EXD2: variants seen among roughly 807,000 people sequenced by gnomAD.
EXD2 encodes the protein exonuclease 3'-5' domain-containing protein 2.
A neutral mutation model predicts 62.5 loss-of-function variants in EXD2; 40 were observed. That is an observed-to-expected ratio of 0.64 (90% CI 0.50 to 0.83). The LOEUF is 0.83. Among genes scored for constraint, EXD2 ranks in the 40% least tolerant of loss-of-function variants. EXD2 has a pLI of 0.00. For synonymous variants in EXD2, 239 were observed against 291.9 expected (o/e 0.82, Z 1.85); for missense variants, 671 against 761.8 (o/e 0.88, Z 1.40).
chr14:69,235,086 G>T, intron 6 of EXD2, 55 bp downstream of exon 6: 2 of 1,463,484 alleles, frequency 1.4e-6, no homozygotes, highest in East Asian at 2.4e-5. Flanking sequence ...CTTAGCAAAG[G>T]GTTTGATGCT....
intron 3 of EXD2, among the ~76,000 whole-genome samples, chr14:69,211,768 C>G (rs1390342323): frequency 6.6e-6 from 1 of 152,104 alleles, no homozygotes; most frequent in Non-Finnish European, 1.5e-5. Flanking sequence ...TCACCTGTGC[C>G]AAGCACCTGG....
chr14:69,213,090 T>TC (rs1176674640), intron 3 of EXD2, among the ~76,000 whole-genome samples: 1 of 150,252 alleles, frequency 6.7e-6, no homozygotes, highest in Non-Finnish European at 1.5e-5. Flanking sequence ...TTTTCTTTTT[T>TC]TTTTTTTTTT....
intron 3 of EXD2, among the ~76,000 whole-genome samples, chr14:69,217,496 C>G (rs1345231837): frequency 6.6e-6 from 1 of 151,996 alleles, no homozygotes; most frequent in African/African-American, 2.4e-5. Context: ...TTTTTATGGA[C>G]AAATAATATT....
At chr14:69,201,506 A>C (rs1266013892) in intron 1 of EXD2, among the ~76,000 whole-genome samples, 2 of 151,868 alleles carry the variant, frequency 1.3e-5, no homozygotes, top group East Asian at 3.9e-4. Flanking sequence ...ACAGTTGTTT[A>C]AATGTTTCAC....
intron 4 of EXD2, 150 bp downstream of exon 4, chr14:69,229,222 A>G: frequency 9.0e-7 from 1 of 1,109,710 alleles, no homozygotes. Context: ...GTAAGGAGAC[A>G]TTCCACCTTC....
At chr14:69,219,193 G>C (rs965227759) in intron 3 of EXD2, among the ~76,000 whole-genome samples, 1 of 152,146 alleles carries the variant, frequency 6.6e-6, no homozygotes, top group African/African-American at 2.4e-5. Context: ...TTGAGCAGTG[G>C]TTTGTAGTTC....
intron 1 of EXD2, among the ~76,000 whole-genome samples, chr14:69,203,015 A>G (rs1467879469): frequency 6.6e-6 from 1 of 152,192 alleles, no homozygotes; most frequent in Non-Finnish European, 1.5e-5. Context: ...CTGGGAAGTA[A>G]TAGTATCACT....
chr14:69,223,171 A>G (rs573524992), intron 3 of EXD2, among the ~76,000 whole-genome samples: 1 of 152,310 alleles, frequency 6.6e-6, no homozygotes, highest in South Asian at 2.1e-4. Context: ...TCTAATTTCC[A>G]TTCTTTTCCT....
Position 69,228,838 on chromosome 14 carries a change from G to C in EXD2, c.356G>C (p.Ser119Thr). 6.2e-7 allele frequency: 1 copy of C among 1,613,792 alleles called. No individual in the cohort carries two copies. The highest frequency in any genetic ancestry group is 1.1e-5 in the South Asian group (1 of 90,992). ...CEWVNLEGKA[S>T]PLSLLQMASP... ...CAGGTAAATTTGGAAGGCAAAGCCA[G>C]CCCTCTGTCACTTCTACAAATGGCC... is the stretch of plus-strand genomic sequence containing the variant. The change falls in exon 4 of 10, where the codon AGC becomes ACC. Residue 119 changes from serine to threonine, a missense_variant. Physicochemically the swap from Ser to Thr is moderately conservative, Grantham distance 58. Transcript: ENST00000685843.
chr14:69,213,723 G>GCACA (rs2042898381), intron 3 of EXD2, among the ~76,000 whole-genome samples: 2 of 148,510 alleles, frequency 1.3e-5, no homozygotes, highest in Non-Finnish European at 3.0e-5. Flanking sequence ...GAGTACATTA[G>GCACA]TGCAATCTTG....
intron 4 of EXD2, among the ~76,000 whole-genome samples, chr14:69,229,878 A>AT (rs1329847721): frequency 6.6e-6 from 1 of 152,146 alleles, no homozygotes; most frequent in Admixed American, 6.6e-5. Flanking sequence ...ACTTATCACA[A>AT]TTTTTTAGTA....
At position 69,191,560 on chromosome 14, in the gene EXD2, C is replaced by CT. The variant is rs1223927232; in HGVS notation, c.-162dup. The CT allele has an allele frequency of 6.6e-6, 1 of 152,390 alleles. No homozygotes were observed. The highest frequency in any genetic ancestry group is 6.5e-5 in the Admixed American group (1 of 15,292). 9.4% of individuals were successfully genotyped at this position (152,390 alleles called of 1,614,324 possible). Reference sequence around the variant, plus strand: ...GTTCCAGGTCTTTAACGTGAGCCCGCTGCAGGTGTGCGGCCCAGTCCGAGA... The same window carrying CT: ...GTTCCAGGTCTTTAACGTGAGCCCGCTTGCAGGTGTGCGGCCCAGTCCGAGA... On this transcript the variant is annotated 5_prime_UTR_variant, in exon 1 of 10. Transcript: ENST00000685843.
chr14:69,230,443 T>G (rs775616630), intron 4 of EXD2, 29 bp from the exon 5 acceptor site: 1 of 1,547,524 alleles, frequency 6.5e-7, no homozygotes, highest in South Asian at 1.2e-5. Flanking sequence ...TGCCCGTTTT[T>G]GATGCATGGT....
intron 8 of EXD2, among the ~76,000 whole-genome samples, 172 bp downstream of exon 8, chr14:69,236,714 T>C (rs903376613): frequency 1.3e-5 from 2 of 152,186 alleles, no homozygotes; most frequent in Admixed American, 6.5e-5. Context: ...CTTGCTATAG[T>C]GGCCCTTACC....
chr14:69,229,361 T>C (rs955139587), intron 4 of EXD2, among the ~76,000 whole-genome samples: 1 of 152,198 alleles, frequency 6.6e-6, no homozygotes, highest in Non-Finnish European at 1.5e-5. Flanking sequence ...TTTGGTTTTC[T>C]TTTTTCCCAT....
chr14:69,220,253 G>GTTTTTTTTTTTTTTTT (rs869194045), intron 3 of EXD2, among the ~76,000 whole-genome samples: 7 of 35,114 alleles, frequency 2.0e-4, no homozygotes, highest in African/African-American at 3.7e-4. Flanking sequence ...TTGTCTCTCT[G>GTTTTTTTTTTTTTTTT]TTTTTTTTTT....
At chr14:69,202,298 AC>A (rs940433953) in intron 1 of EXD2, among the ~76,000 whole-genome samples, 2 of 151,800 alleles carry the variant, frequency 1.3e-5, no homozygotes, top group African/African-American at 4.8e-5. Context: ...GATCACTTGA[AC>A]CCAAGAGGTC....
chr14:69,229,026 G>T lies in EXD2; in HGVS notation c.544G>T (p.Val182Phe), dbSNP rs142856571. The change falls in exon 4 of 10, where the codon GTT becomes TTT. Residue 182 changes from valine (V) to phenylalanine (F), a missense_variant. Physicochemically the swap from Val to Phe is conservative, Grantham distance 50 (BLOSUM62 -1). Transcript: ENST00000685843. Reference sequence around the variant, plus strand: ...CAAGCTTCTGCAGGATTATGGCCTCGTTGTTAGGGGGTGCCTGGACCTCCG... The same window carrying T: ...CAAGCTTCTGCAGGATTATGGCCTCTTTGTTAGGGGGTGCCTGGACCTCCG... ...ASKLLQDYGL[V>F]VRGCLDLRYL... 2.5e-5 allele frequency: 41 copies of T among 1,614,196 alleles called. 1 individual carries two copies. The Middle Eastern group carries it at 4.9e-3, about 195-fold the overall frequency.
rs1354510500 is a variant in EXD2 at position 69,241,473 on chromosome 14, G to A, written c.*373G>A. The A allele has an allele frequency of 7.8e-6, 2 of 257,542 alleles. No homozygotes were observed. The highest frequency in any genetic ancestry group is 7.5e-5 in the East Asian group (1 of 13,364). The allele number at this position is 257,542 out of a possible 1,614,324, so 16.0% of individuals were successfully genotyped here. A position where few individuals can be genotyped will look rare whatever the true frequency, so the allele number is the denominator to read the frequency against. On this transcript the variant is annotated 3_prime_UTR_variant, in exon 10 of 10. Coordinates refer to ENST00000685843, the MANE Select transcript of EXD2 (RefSeq NM_001193360.2). ...GCATTTCTTCCTTGTCTAGTGCCTC[G>A]GTTTATCTCTAACAGGGGCTGTCCA...
Sources: allele counts gnomAD v4.1 joint callset (sites outside exome capture counted in the v4.1 genomes callset), GRCh38; gene constraint gnomAD v4.1.1; transcripts MANE v1.5; gene names NCBI Gene and HGNC (gene_info 2026-07-23, HGNC 2026-07-21).